The following NAALADL2 variants were observed in gnomAD, a reference collection of about 807,000 sequenced individuals.
NAALADL2 encodes N-acetylated alpha-linked acidic dipeptidase like 2, also known as inactive N-acetylated-alpha-linked acidic dipeptidase-like protein 2.
Under a neutral mutation model 87.2 loss-of-function variants are expected in NAALADL2, and 76 were observed. The ratio of observed to expected loss-of-function variants is 0.87; its 90% CI spans 0.72 to 1.05. The LOEUF is 1.05. Among genes scored for constraint, NAALADL2 ranks in the 50% least tolerant of loss-of-function variants. NAALADL2 has a pLI of 0.00. For missense variants in NAALADL2, 1,089 were observed against 945.8 expected (o/e 1.15, Z -1.99); for synonymous variants, 354 against 331.0 (o/e 1.07, Z -0.75).
intron 2 of NAALADL2, among the ~76,000 whole-genome samples, chr3:175,187,597 AAAATATAT>A (rs2109030141): frequency 6.6e-6 from 1 of 152,326 alleles, no homozygotes; most frequent in South Asian, 2.1e-4. Flanking sequence ...TATGTCACTC[AAAATATAT>A]AAAGACTAAA....
chr3:174,737,564 G>A (rs956539277), intron 2 of NAALADL2: 1 of 152,228 alleles, frequency 6.6e-6, no homozygotes, highest in South Asian at 2.1e-4. Flanking sequence ...ATTAATCAAA[G>A]AACAAAATTC....
At chr3:174,707,794 TAAAAA>T (rs559228656) in intron 2 of NAALADL2, among the ~76,000 whole-genome samples, 2 of 138,844 alleles carry the variant, frequency 1.4e-5, no homozygotes, top group Non-Finnish European at 3.2e-5. Context: ...TAAAGTATAA[TAAAAA>T]AAAATTTTAA....
At chr3:175,633,213 C>T (rs189911480) in intron 11 of NAALADL2, among the ~76,000 whole-genome samples, 67 of 152,098 alleles carry the variant, frequency 4.4e-4, no homozygotes, top group African/African-American at 1.3e-3. Context: ...TCTTGTTTTC[C>T]GCTTCATTTA....
intron 5 of NAALADL2, among the ~76,000 whole-genome samples, chr3:175,424,334 G>A (rs138309584): frequency 1.3e-5 from 2 of 152,060 alleles, no homozygotes; most frequent in Non-Finnish European, 2.9e-5. Context: ...GTCCTTGCCT[G>A]TGCCTATGTC....
At chr3:174,692,081 G>A (rs528995774) in intron 2 of NAALADL2, 21 of 152,250 alleles carry the variant, frequency 1.4e-4, no homozygotes, top group African/African-American at 4.8e-4. Flanking sequence ...TCCCATGAAT[G>A]TTCTTAATGG....
intron 2 of NAALADL2, among the ~76,000 whole-genome samples, chr3:175,184,759 C>G (rs564947071): frequency 6.6e-6 from 1 of 152,044 alleles, no homozygotes; most frequent in Non-Finnish European, 1.5e-5. Context: ...CTGGCATTTA[C>G]TAGCTATATT....
chr3:174,671,610 T>A lies in NAALADL2; in HGVS notation c.-114-66031T>A, dbSNP rs556152739. On this transcript the variant is annotated intron_variant, in intron 2 of 3. Transcript: ENST00000434257. ...ATGAATTTGAAGACTTATGAAAATA[T>A]GTCAAAAATACTATCCGGGAAAAAT... 7.2e-5 allele frequency among the ~76,000 whole-genome samples: 11 copies of A among 152,212 alleles called. No individual in the cohort carries two copies. In the South Asian group the frequency reaches 2.3e-3, roughly 32 times the overall value.
At chr3:174,701,973 A>T (rs1174304325) in intron 2 of NAALADL2, among the ~76,000 whole-genome samples, 1 of 152,124 alleles carries the variant, frequency 6.6e-6, no homozygotes, top group African/African-American at 2.4e-5. Flanking sequence ...GAATGGCTGG[A>T]TTATTACTTT....
At chr3:175,329,922 G>A (rs1285805382) in intron 5 of NAALADL2, among the ~76,000 whole-genome samples, 3 of 152,166 alleles carry the variant, frequency 2.0e-5, no homozygotes, top group Non-Finnish European at 4.4e-5. Context: ...ATTTGCAGTT[G>A]ATTGTTTGAA....
intron 9 of NAALADL2, among the ~76,000 whole-genome samples, chr3:175,520,674 G>A (rs1480047854): frequency 6.6e-6 from 1 of 152,222 alleles, no homozygotes; most frequent in Non-Finnish European, 1.5e-5. Flanking sequence ...ATTGCAGGAT[G>A]TGAAATATAA....
chr3:174,590,661 T>G (rs1232607732), intron 2 of NAALADL2, among the ~76,000 whole-genome samples: 3 of 152,272 alleles, frequency 2.0e-5, no homozygotes, highest in Admixed American at 6.5e-5. Context: ...AAGTTCTTGG[T>G]GCAGATTTTA....
At chr3:175,354,849 T>C (rs1356903564) in intron 5 of NAALADL2, among the ~76,000 whole-genome samples, 4 of 149,892 alleles carry the variant, frequency 2.7e-5, no homozygotes, top group Non-Finnish European at 4.4e-5. Flanking sequence ...AATTGACTTA[T>C]AGGGCACTAT....
intron 1 of NAALADL2, among the ~76,000 whole-genome samples, chr3:174,514,059 C>T (rs1271183870): frequency 6.6e-6 from 1 of 152,098 alleles, no homozygotes; most frequent in Non-Finnish European, 1.5e-5. Context: ...TGGAACCTAA[C>T]ATAGCAGGCT....
chr3:174,637,789 GTA>G (rs1201755231), intron 2 of NAALADL2, among the ~76,000 whole-genome samples: 2 of 152,008 alleles, frequency 1.3e-5, no homozygotes, highest in African/African-American at 4.8e-5. Flanking sequence ...AAATACACAT[GTA>G]TATCTGTATG....
At chr3:174,820,066 GGC>G (rs1215808582) in intron 3 of NAALADL2, among the ~76,000 whole-genome samples, 14 of 151,984 alleles carry the variant, frequency 9.2e-5, no homozygotes, top group African/African-American at 3.4e-4. Flanking sequence ...TTTGTAATGT[GGC>G]TCTCAGTAAT....
At chr3:175,716,684 A>G (rs1348147981) in intron 11 of NAALADL2, among the ~76,000 whole-genome samples, 1 of 152,128 alleles carries the variant, frequency 6.6e-6, no homozygotes, top group African/African-American at 2.4e-5. Context: ...AGTGAAGACC[A>G]GATTGTTATA....
Position 175,590,214 on chromosome 3 carries a change from ATATAT to A in NAALADL2, c.1800+14028_1800+14032del, listed in dbSNP as rs1721203352. 4.7e-4 allele frequency among the ~76,000 whole-genome samples: 69 copies of A among 146,964 alleles called. 8 individuals are homozygous for A. The highest frequency in any genetic ancestry group is 1.7e-3 in the African/African-American group (68 of 39,374). On this transcript the variant is annotated intron_variant, in intron 10 of 13. Transcript: ENST00000454872. ...GCGACAGAGCGAGACTCCGTCTAATATATATATATATATATATATATATATATATA... is the reference window on the plus strand; with the variant it reads ...GCGACAGAGCGAGACTCCGTCTAATAATATATATATATATATATATATATA...
intron 3 of NAALADL2, among the ~76,000 whole-genome samples, chr3:174,773,734 C>T (rs946035259): frequency 4.6e-5 from 7 of 152,022 alleles, no homozygotes; most frequent in Non-Finnish European, 1.0e-4. Context: ...GAGTACCCAA[C>T]GTTTAAAGTG....
intron 1 of NAALADL2, among the ~76,000 whole-genome samples, chr3:174,999,676 G>A (rs1747970322): frequency 6.6e-6 from 1 of 152,174 alleles, no homozygotes; most frequent in South Asian, 2.1e-4. Context: ...AATTGTACCT[G>A]ATAAGTAGTT....
Sources: gnomAD v4.1 joint callset for allele counts (sites outside exome capture counted in the v4.1 genomes callset) on GRCh38, gnomAD v4.1.1 for gene constraint, MANE v1.5 for transcripts, NCBI Gene and HGNC (gene_info 2026-07-23, HGNC 2026-07-21) for gene names.